RRM2: variants seen among roughly 807,000 people sequenced by gnomAD.
The protein encoded by RRM2 is ribonucleoside-diphosphate reductase subunit M2.
Under a neutral mutation model 45.9 loss-of-function variants are expected in RRM2, and 6 were observed. The observed-to-expected ratio is 0.13, with a 90% confidence interval of 0.07 to 0.26. The LOEUF (loss-of-function observed/expected upper bound fraction) is 0.26, where lower values mean the gene tolerates loss of function less well. Ranked by LOEUF, RRM2 falls within the 10% of genes least tolerant of loss-of-function variation. RRM2 has a pLI of 1.00. For synonymous variants in RRM2, 177 were observed against 173.0 expected (o/e 1.02, Z -0.18); for missense variants, 343 against 489.5 (o/e 0.70, Z 2.82).
chr2:10,193,638 G>T (rs180767490), intron 3 of RRM2, among the ~76,000 whole-genome samples: 8 of 152,316 alleles, frequency 5.3e-5, no homozygotes, highest in Non-Finnish European at 1.0e-4. Context: ...CCTACCACAC[G>T]CCCGGGGACC....
Position 10,162,246 on chromosome 2 carries a change from G to A in RRM2, n.482+19871G>A, listed in dbSNP as rs934011627. 3.3e-5 allele frequency among the ~76,000 whole-genome samples: 5 copies of A among 152,324 alleles called. No individual in the cohort carries two copies. In the East Asian group the frequency reaches 5.8e-4, roughly 18 times the overall value. ...GCCAGGCCAGGCACAACTTCTTGAT[G>A]AATAGAGAGGTGTGGAGCCGCCCGT... is the stretch of plus-strand genomic sequence containing the variant. On this transcript the variant is annotated intron_variant and non_coding_transcript_variant, in intron 3 of 3. Coordinates refer to the RRM2 transcript ENST00000381786.
intron 3 of RRM2, chr2:10,142,436 G>A (rs1407163291): frequency 1.2e-5 from 16 of 1,359,904 alleles, no homozygotes; most frequent in South Asian, 3.4e-5. Flanking sequence ...GGTGGCTTGC[G>A]GGGCCTGTCA....
chr2:10,146,239 A>C (rs6706570), intron 3 of RRM2: 1 of 152,042 alleles, frequency 6.6e-6, no homozygotes, highest in African/African-American at 2.4e-5. Context: ...TTAAACTCCA[A>C]ACGATGGCTC....
Position 10,196,450 on chromosome 2 carries a change from C to A in RRM2, n.483-13861C>A, listed in dbSNP as rs1180777002. Among the ~76,000 whole-genome samples the A allele has an allele frequency of 2.0e-5, 3 of 152,276 alleles. No individual in the cohort carries two copies. The East Asian group carries it at 5.8e-4, about 29-fold the overall frequency. On this transcript the variant is annotated intron_variant and non_coding_transcript_variant, in intron 3 of 3. Transcript: ENST00000381786. ...CAGACTGTGGCTGTTTCTGTGGTGACCAGCAGCCGGCACTGCCTGGCAGTG... is the reference window on the plus strand; with the variant it reads ...CAGACTGTGGCTGTTTCTGTGGTGAACAGCAGCCGGCACTGCCTGGCAGTG...
chr2:10,171,160 G>A lies in RRM2; in HGVS notation n.482+28785G>A, dbSNP rs1400222192. ...CCCCAGGCATCGAGCCTGCGATGGG[G>A]CAACGTGTGGTGTGGAGGCCATACC... is the stretch of plus-strand genomic sequence containing the variant. On this transcript the variant is annotated intron_variant and non_coding_transcript_variant, in intron 3 of 3. Coordinates refer to the RRM2 transcript ENST00000381786. This position sits in a 1 kb window ranked among gnomAD's most constrained non-coding sequence, Gnocchi z 4.1. Among the ~76,000 whole-genome samples, 1 of 152,258 alleles carries A rather than the reference G, an allele frequency of 6.6e-6. No homozygotes were observed. The highest frequency in any genetic ancestry group is 2.4e-5 in the African/African-American group (1 of 41,476).
intron 3 of RRM2, among the ~76,000 whole-genome samples, chr2:10,187,991 G>A (rs540461249): frequency 2.0e-5 from 3 of 152,318 alleles, no homozygotes; most frequent in East Asian, 3.9e-4. Context: ...TCAGAAACTC[G>A]GGGCGGTGGG....
intron 3 of RRM2, among the ~76,000 whole-genome samples, chr2:10,194,956 C>A (rs1391315913): frequency 6.6e-6 from 1 of 152,230 alleles, no homozygotes; most frequent in African/African-American, 2.4e-5. Context: ...CCGTTCTCAG[C>A]GGTGCGGGTA....
downstream of RRM2, among the ~76,000 whole-genome samples, chr2:10,132,260 G>A (rs564976773): frequency 1.4e-3 from 209 of 152,326 alleles, no homozygotes; most frequent in Non-Finnish European, 2.2e-3. Flanking sequence ...AAGATGGGGC[G>A]CTAAGCCAGA....
intron 3 of RRM2, among the ~76,000 whole-genome samples, chr2:10,182,980 C>T (rs1664091953): frequency 6.6e-6 from 1 of 152,106 alleles, no homozygotes; most frequent in Admixed American, 6.6e-5. Flanking sequence ...GAGTTGGAGA[C>T]CAGTCTGAGC....
chr2:10,136,927 C>G (rs1486025129), upstream of RRM2, among the ~76,000 whole-genome samples: 1 of 152,148 alleles, frequency 6.6e-6, no homozygotes, highest in Non-Finnish European at 1.5e-5. Context: ...GTAGACCTGT[C>G]CAAGAGTGAG....
upstream of RRM2, among the ~76,000 whole-genome samples, chr2:10,137,983 T>G (rs993400761): frequency 6.6e-6 from 1 of 152,112 alleles, no homozygotes; most frequent in African/African-American, 2.4e-5. Context: ...AGCAAAGGGC[T>G]GACTTTAGGC....
chr2:10,153,357 T>G lies in RRM2; in HGVS notation n.482+10982T>G, dbSNP rs1226113524. On this transcript the variant is annotated intron_variant and non_coding_transcript_variant, in intron 3 of 3. Coordinates refer to the RRM2 transcript ENST00000381786. ...TCCAAAAAAAGATCTTTTTTGACTC[T>G]GCGATACAAAGATGTTTTCTTCTAG... Among the ~76,000 whole-genome samples the G allele has an allele frequency of 2.0e-5, 3 of 152,166 alleles. No homozygotes were observed. In the East Asian group the frequency reaches 5.8e-4, roughly 29 times the overall value.
chr2:10,164,009 C>A (rs532687466), intron 3 of RRM2, among the ~76,000 whole-genome samples: 1 of 150,058 alleles, frequency 6.7e-6, no homozygotes, highest in African/African-American at 2.4e-5. Flanking sequence ...TGAATGTGTG[C>A]GTGTGTGTGT....
rs111457788 is a variant in RRM2 at position 10,194,011 on chromosome 2, C to T, written n.483-16300C>T. 2.0e-4 allele frequency among the ~76,000 whole-genome samples: 30 copies of T among 152,312 alleles called. No homozygotes were observed. The East Asian group carries it at 2.1e-3, about 11-fold the overall frequency. On this transcript the variant is annotated intron_variant and non_coding_transcript_variant, in intron 3 of 3. Transcript: ENST00000381786. ...CCTGTGAACCCTCTGTCCATTTCAA[C>T]GCTTAATGCCAAACATAAACAAATG...
Position 10,169,656 on chromosome 2 carries a change from G to A in RRM2, n.482+27281G>A, listed in dbSNP as rs1343623258. Among the ~76,000 whole-genome samples, 3 of 152,118 alleles carry A rather than the reference G, an allele frequency of 2.0e-5. No homozygotes were observed. The highest frequency in any genetic ancestry group is 2.9e-5 in the Non-Finnish European group (2 of 67,998). The stretch of plus-strand genomic sequence containing the variant: ...TGGCAGGCACGGCCACAGAATATGC[G>A]CCCCTTTCCTGGCCCCCTCGAGGTC... On this transcript the variant is annotated intron_variant and non_coding_transcript_variant, in intron 3 of 3. Coordinates refer to the RRM2 transcript ENST00000381786. This position sits in a 1 kb window ranked among gnomAD's most constrained non-coding sequence, Gnocchi z 5.1.
chr2:10,209,060 T>TCTTTCTTTC (rs1553330325), intron 3 of RRM2, among the ~76,000 whole-genome samples: 8 of 144,384 alleles, frequency 5.5e-5, no homozygotes, highest in East Asian at 2.0e-4. Context: ...TTTCTTTCTT[T>TCTTTCTTTC]TTTTTTTTTT....
At chr2:10,161,019 T>A (rs935824457) in intron 3 of RRM2, among the ~76,000 whole-genome samples, 4 of 152,198 alleles carry the variant, frequency 2.6e-5, no homozygotes, top group African/African-American at 9.7e-5. Context: ...GAAAGCGTGG[T>A]CTGAGCTACA....
Position 10,157,016 on chromosome 2 carries a change from CTTTTTTTT to C in RRM2, n.482+14657_482+14664del, listed in dbSNP as rs71391198. Among the ~76,000 whole-genome samples the C allele has an allele frequency of 6.7e-3, 575 of 85,934 alleles. 4 individuals carry two copies. Among genetic ancestry groups the C allele is most frequent in the Non-Finnish European group, 8.7e-3 (422 of 48,382 alleles). The allele number at this position is 85,934 out of a possible 152,430, so 56.4% of individuals were successfully genotyped here. A position where few individuals can be genotyped will look rare whatever the true frequency, so the allele number is the denominator to read the frequency against. On this transcript the variant is annotated intron_variant and non_coding_transcript_variant, in intron 3 of 3. Coordinates refer to the RRM2 transcript ENST00000381786. ...GGGAGTTTCTGAGCTCAGCCCATTT[CTTTTTTTT>C]TTTTTTTTTTTTTTTGAGATGGAGT...
At chr2:10,199,608 C>T (rs999193588) in intron 3 of RRM2, among the ~76,000 whole-genome samples, 82 of 151,576 alleles carry the variant, frequency 5.4e-4, no homozygotes, top group Non-Finnish European at 1.0e-3. Context: ...AGTGAAACCC[C>T]GTCTCTACTA....
Sources: allele counts gnomAD v4.1 joint callset (sites outside exome capture counted in the v4.1 genomes callset), GRCh38; gene constraint gnomAD v4.1.1; non-coding constraint Gnocchi (gnomAD v3.1); transcripts MANE v1.5; gene names NCBI Gene and HGNC (gene_info 2026-07-23, HGNC 2026-07-21).